MPRIP: variants seen among roughly 807,000 people sequenced by gnomAD.
MPRIP encodes the protein myosin phosphatase Rho-interacting protein.
MPRIP carries 59 observed loss-of-function variants against 234.9 expected under a neutral mutation model. The ratio of observed to expected loss-of-function variants is 0.25; its 90% CI spans 0.20 to 0.31. The LOEUF is 0.31. Among genes scored for constraint, MPRIP ranks in the 10% least tolerant of loss-of-function variants. The pLI is 1.00. For missense variants in MPRIP, 2,436 were observed against 3,071.0 expected (o/e 0.79, Z 4.89); for synonymous variants, 1,144 against 1,263.9 (o/e 0.91, Z 2.01).
At chr17:17,075,986 C>G (rs1440013269) in intron 2 of MPRIP, 199 bp downstream of exon 2, 2 of 536,350 alleles carry the variant, frequency 3.7e-6, no homozygotes, top group Non-Finnish European at 6.6e-6. Context: ...GTAGTGCTCC[C>G]TTCAGAATGA....
chr17:17,168,334 A>G, intron 16 of MPRIP: 2 of 249,902 alleles, frequency 8.0e-6, no homozygotes, highest in Non-Finnish European at 1.6e-5. Flanking sequence ...ACAGCCTTGT[A>G]CTCACAGCAA....
chr17:17,102,721 G>A (rs2089988193), intron 3 of MPRIP, among the ~76,000 whole-genome samples: 2 of 152,184 alleles, frequency 1.3e-5, no homozygotes, highest in South Asian at 4.1e-4. Flanking sequence ...GGCATCTGCT[G>A]GCAGCACACC....
chr17:17,137,568 G>A (rs1476463313), intron 6 of MPRIP, among the ~76,000 whole-genome samples: 1 of 151,558 alleles, frequency 6.6e-6, no homozygotes, highest in Non-Finnish European at 1.5e-5. Flanking sequence ...CCCCCTTGAT[G>A]TTGGTGAGAA....
chr17:17,048,340 G>A (rs1401474745), intron 1 of MPRIP, among the ~76,000 whole-genome samples: 1 of 152,132 alleles, frequency 6.6e-6, no homozygotes, highest in African/African-American at 2.4e-5. Flanking sequence ...AGAGGGTGTG[G>A]GCCAGGACGA....
At chr17:17,043,687 G>A (rs939714978) in intron 1 of MPRIP, among the ~76,000 whole-genome samples, 8 of 152,210 alleles carry the variant, frequency 5.3e-5, no homozygotes, top group African/African-American at 1.9e-4. Context: ...CCCCCGCCCT[G>A]GAGTGACTGG....
chr17:17,169,920 C>A (rs2046094075), intron 16 of MPRIP, among the ~76,000 whole-genome samples: 1 of 152,100 alleles, frequency 6.6e-6, no homozygotes, highest in African/African-American at 2.4e-5. Context: ...TAGTTTCTCT[C>A]CAAAGAAGCA....
intron 3 of MPRIP, among the ~76,000 whole-genome samples, chr17:17,123,275 A>G (rs2144366261): frequency 6.6e-6 from 1 of 152,352 alleles, no homozygotes; most frequent in African/African-American, 2.4e-5. Context: ...ACTTGATTGC[A>G]GAACAGCTCT....
rs774321394 is a variant in MPRIP at position 17,185,603 on chromosome 17, C to T, written c.*709C>T. On this transcript the variant is annotated 3_prime_UTR_variant, in exon 24 of 24. Transcript: ENST00000651222. The stretch of plus-strand genomic sequence containing the variant: ...TCCTTCCTTCCTTCCTTCCTCCGCT[C>T]GTTCCTTTCTTGGTCTCCAGTAACC... The T allele has an allele frequency of 8.8e-6, 4 of 456,092 alleles. No homozygotes were observed. The highest frequency in any genetic ancestry group is 3.1e-5 in the South Asian group (2 of 64,516). The allele number at this position is 456,092 out of a possible 1,614,324, so 28.3% of individuals were successfully genotyped here.
chr17:17,063,515 A>G (rs1026574006), intron 1 of MPRIP, among the ~76,000 whole-genome samples: 30 of 152,164 alleles, frequency 2.0e-4, no homozygotes, highest in African/African-American at 6.0e-4. Context: ...GCATGGGACC[A>G]TAGAGGGCCT....
intron 3 of MPRIP, among the ~76,000 whole-genome samples, chr17:17,082,119 G>C (rs1420400367): frequency 6.6e-6 from 1 of 152,040 alleles, no homozygotes; most frequent in East Asian, 1.9e-4. Context: ...TCGAGCTGAG[G>C]TGTGGATGTC....
chr17:17,083,260 C>T (rs1013899640), intron 3 of MPRIP, among the ~76,000 whole-genome samples: 3 of 152,206 alleles, frequency 2.0e-5, no homozygotes, highest in African/African-American at 4.8e-5. Flanking sequence ...TTGTCAGTCC[C>T]GTAAGATGTG....
At chr17:17,159,103 C>A in intron 14 of MPRIP, 101 bp downstream of exon 14, 1 of 1,250,294 alleles carries the variant, frequency 8.0e-7, no homozygotes, top group Non-Finnish European at 1.1e-6. Context: ...GACAGTCCTA[C>A]CCGCGAGGGA....
chr17:17,177,133 C>T, intron 21 of MPRIP, 117 bp from the exon 22 acceptor site: 2 of 1,044,652 alleles, frequency 1.9e-6, no homozygotes, highest in South Asian at 1.5e-5. Flanking sequence ...GAACAAGCCT[C>T]CTCTTCCGCC....
intron 1 of MPRIP, among the ~76,000 whole-genome samples, chr17:17,073,960 T>G (rs2089265671): frequency 6.6e-6 from 1 of 152,306 alleles, no homozygotes; most frequent in Admixed American, 6.5e-5. Context: ...CAGCTCCACT[T>G]GCACCATTCA....
At chr17:17,180,195 C>CA (rs760444164) in intron 23 of MPRIP, 107 bp downstream of exon 23, 135 of 965,702 alleles carry the variant, frequency 1.4e-4, no homozygotes, top group Non-Finnish European at 1.9e-4. Flanking sequence ...GCCAAAGCCC[C>CA]AGGGCCCAGC....
At chr17:17,184,623 A>G (rs2046437732) in intron 23 of MPRIP, among the ~76,000 whole-genome samples, 200 bp from the exon 24 acceptor site, 1 of 152,074 alleles carries the variant, frequency 6.6e-6, no homozygotes, top group African/African-American at 2.4e-5. Context: ...TTTTCATCCA[A>G]GTAATTTTGT....
At chr17:17,163,449 GGTTT>G (rs1435905286) in intron 15 of MPRIP, among the ~76,000 whole-genome samples, 4 of 152,142 alleles carry the variant, frequency 2.6e-5, no homozygotes, top group South Asian at 2.1e-4. Flanking sequence ...ACTCCACAAA[GGTTT>G]GTTTGTTTTG....
At chr17:17,067,962 T>G (rs2089090442) in intron 1 of MPRIP, among the ~76,000 whole-genome samples, 1 of 151,798 alleles carries the variant, frequency 6.6e-6, no homozygotes, top group African/African-American at 2.4e-5. Context: ...AAATTATGTG[T>G]TTTTTAGAGA....
At chr17:17,122,992 A>G (rs1177149265) in intron 3 of MPRIP, among the ~76,000 whole-genome samples, 1 of 152,266 alleles carries the variant, frequency 6.6e-6, no homozygotes, top group African/African-American at 2.4e-5. Context: ...ATGAATGGAT[A>G]AACAAAATGC....
Sources: gnomAD v4.1 joint callset for allele counts (sites outside exome capture counted in the v4.1 genomes callset) on GRCh38, gnomAD v4.1.1 for gene constraint, MANE v1.5 for transcripts, NCBI Gene and HGNC (gene_info 2026-07-23, HGNC 2026-07-21) for gene names.